The following AKAP7 variants were observed in gnomAD, a reference collection of about 807,000 sequenced individuals.
AKAP7 encodes the protein A-kinase anchoring protein 7.
A neutral mutation model predicts 39.5 loss-of-function variants in AKAP7; 39 were observed. The ratio of observed to expected loss-of-function variants is 0.99; its 90% CI spans 0.76 to 1.29. The LOEUF (loss-of-function observed/expected upper bound fraction) is 1.29, where lower values mean the gene tolerates loss of function less well. AKAP7 is among the 50% of genes most tolerant of loss of function. The pLI, the probability that AKAP7 is intolerant of heterozygous loss-of-function variation, is 0.00. For missense variants in AKAP7, 414 were observed against 407.7 expected, an observed-to-expected ratio of 1.02 and a Z score of -0.13; for synonymous variants, 140 against 139.1, an observed-to-expected ratio of 1.01 and a Z score of -0.05.
intron 3 of AKAP7, among the ~76,000 whole-genome samples, chr6:131,164,051 C>G (rs1415934406): frequency 6.6e-6 from 1 of 152,150 alleles, no homozygotes; most frequent in Admixed American, 6.6e-5. Context: ...TGCACAATCA[C>G]ATTCCGCAGA....
chr6:131,281,459 C>A lies in AKAP7; in HGVS notation c.851-71C>A. ...TGCTCTTTTTAACCAATGGAACTAGCCGGCCCCTGCATGCCAAGTTTCTAT... is the reference window on the plus strand; with the variant it reads ...TGCTCTTTTTAACCAATGGAACTAGACGGCCCCTGCATGCCAAGTTTCTAT... On this transcript the variant is annotated intron_variant, in intron 7 of 7. Coordinates refer to ENST00000431975, the MANE Select transcript of AKAP7 (RefSeq NM_016377.4). The surrounding 1 kb of genome is among the most constrained non-coding windows in gnomAD (Gnocchi z 4.0). 1.6e-6 allele frequency: 2 copies of A among 1,281,582 alleles called. No individual in the cohort carries two copies. Among genetic ancestry groups the A allele is most frequent in the Non-Finnish European group, 2.1e-6 (2 of 941,196 alleles). The allele number at this position is 1,281,582 out of a possible 1,614,324, so 79.4% of individuals were successfully genotyped here. A position where few individuals can be genotyped will look rare whatever the true frequency, so the allele number is the denominator to read the frequency against.
rs779047229 is a variant in AKAP7, at chr6:131,224,730, C to CTTTTT, written c.850+4947_850+4951dup. Among the ~76,000 whole-genome samples, 28 of 55,112 alleles carry CTTTTT rather than the reference C, an allele frequency of 5.1e-4. 5 individuals are homozygous for CTTTTT. Among genetic ancestry groups the CTTTTT allele is most frequent in the African/African-American group, 1.4e-3 (19 of 13,688 alleles). 36.2% of individuals were successfully genotyped at this position (55,112 alleles called of 152,430 possible). A position where few individuals can be genotyped will look rare whatever the true frequency, so the allele number is the denominator to read the frequency against. Reference sequence around the variant, plus strand: ...GTTTGTAAAGTTTCCAGTTGATTCACTTTTTTTTTTTTTTTTTTTTTTTTT... The same window carrying CTTTTT: ...GTTTGTAAAGTTTCCAGTTGATTCACTTTTTTTTTTTTTTTTTTTTTTTTTTTTTT... On this transcript the variant is annotated intron_variant, in intron 7 of 7. Coordinates refer to ENST00000431975, the MANE Select transcript of AKAP7 (RefSeq NM_016377.4).
chr6:131,214,324 C>T (rs899275670), intron 6 of AKAP7, among the ~76,000 whole-genome samples: 9 of 152,126 alleles, frequency 5.9e-5, no homozygotes, highest in Non-Finnish European at 1.2e-4. Flanking sequence ...AGAGTTTCTG[C>T]TTTTTCTTTC....
At chr6:131,159,334 T>C (rs371006002) in intron 2 of AKAP7, among the ~76,000 whole-genome samples, 63 of 151,740 alleles carry the variant, frequency 4.2e-4, no homozygotes, top group Admixed American at 1.8e-3. Flanking sequence ...ACCTCGTGAT[T>C]CGCCCGCCTC....
At chr6:131,136,900 C>G (rs1800591896) in intron 1 of AKAP7, 1 of 982,184 alleles carries the variant, frequency 1.0e-6, no homozygotes, top group African/African-American at 1.8e-5. Flanking sequence ...ATGCCCTTAG[C>G]CCTTTCCAGT....
intron 7 of AKAP7, among the ~76,000 whole-genome samples, chr6:131,277,935 A>C (rs1398969669): frequency 6.6e-6 from 1 of 152,242 alleles, no homozygotes; most frequent in Non-Finnish European, 1.5e-5. Flanking sequence ...GACCAGGTTC[A>C]TCAAGCGAAG....
intron 5 of AKAP7, 136 bp downstream of exon 5, chr6:131,169,409 A>G (rs1803817054): frequency 2.1e-6 from 2 of 965,244 alleles, no homozygotes; most frequent in Middle Eastern, 4.5e-4. Flanking sequence ...GACTGTCCCA[A>G]TCATAAGTCT....
intron 6 of AKAP7, among the ~76,000 whole-genome samples, chr6:131,202,331 T>A (rs1807651676): frequency 7.0e-6 from 1 of 143,868 alleles, no homozygotes; most frequent in Non-Finnish European, 1.5e-5. Flanking sequence ...TGCGGCACTA[T>A]TCACAATAGC....
intron 7 of AKAP7, among the ~76,000 whole-genome samples, chr6:131,241,607 G>GTGTGTGTGTATATACGTATATATA (rs1811576805): frequency 7.7e-6 from 1 of 129,952 alleles, no homozygotes; most frequent in African/African-American, 2.9e-5. Flanking sequence ...GTGTGTGTGT[G>GTGTGTGTGTATATACGTATATATA]TGTGTGTGTG....
chr6:131,198,202 T>C (rs1180632036), intron 5 of AKAP7, among the ~76,000 whole-genome samples: 1 of 152,126 alleles, frequency 6.6e-6, no homozygotes, highest in Non-Finnish European at 1.5e-5. Flanking sequence ...TCTCCCAACA[T>C]CTACTTGACA....
intron 6 of AKAP7, among the ~76,000 whole-genome samples, chr6:131,216,668 T>G (rs558694940): frequency 1.3e-5 from 2 of 152,372 alleles, no homozygotes; most frequent in East Asian, 3.9e-4. Flanking sequence ...TTTTTTCTGT[T>G]TGACGTTTCT....
At position 131,219,754 on chromosome 6, in the gene AKAP7, C is replaced by T; in HGVS notation, c.796C>T (p.Leu266=). ...ATATCGCATAGATCTTTGCTCCATG[C>T]TGAAGAAAAAACAAAGTAATGGTTA... ...ILYRIDLCSM[L]KKKQSNGYYH... The change falls in exon 7 of 8, where the codon CTG becomes TTG. Residue 266 remains leucine, a synonymous_variant. Coordinates refer to ENST00000431975, the MANE Select transcript of AKAP7 (RefSeq NM_016377.4). 1 of 1,594,262 alleles carries T rather than the reference C, an allele frequency of 6.3e-7. No individual in the cohort carries two copies. The highest frequency in any genetic ancestry group is 8.5e-7 in the Non-Finnish European group (1 of 1,171,350).
chr6:131,222,831 A>G (rs1429137228), intron 7 of AKAP7, among the ~76,000 whole-genome samples: 1 of 152,248 alleles, frequency 6.6e-6, no homozygotes, highest in East Asian at 1.9e-4. Context: ...GTAAAATGTT[A>G]TCAAACAGCA....
chr6:131,256,045 G>C (rs1812817248), intron 7 of AKAP7, among the ~76,000 whole-genome samples: 1 of 152,192 alleles, frequency 6.6e-6, no homozygotes, highest in African/African-American at 2.4e-5. Context: ...CAGAAGTGTG[G>C]GGGATTTCTC....
chr6:131,240,183 G>A (rs552909638), intron 7 of AKAP7, among the ~76,000 whole-genome samples: 2 of 152,214 alleles, frequency 1.3e-5, no homozygotes, highest in Admixed American at 1.3e-4. Flanking sequence ...TCCAGACCCT[G>A]TTTGCCTGGG....
At chr6:131,161,996 G>A (rs1247279770) in intron 3 of AKAP7, among the ~76,000 whole-genome samples, 2 of 152,158 alleles carry the variant, frequency 1.3e-5, no homozygotes, top group Non-Finnish European at 2.9e-5. Context: ...GAACACCTCT[G>A]GGTGTCACTT....
chr6:131,281,851 T>A lies in AKAP7; in HGVS notation c.*125T>A. On this transcript the variant is annotated 3_prime_UTR_variant, in exon 8 of 8. Transcript: ENST00000431975. The surrounding 1 kb of genome is among the most constrained non-coding windows in gnomAD (Gnocchi z 4.0). Reference sequence around the variant, plus strand: ...TCTGGTGCAATCTGTGAAGATTGCCTAATACTTTTCATGATCGATGTGTTC... The same window carrying A: ...TCTGGTGCAATCTGTGAAGATTGCCAAATACTTTTCATGATCGATGTGTTC... 7.7e-7 allele frequency: 1 copy of A among 1,305,920 alleles called. No individual in the cohort carries two copies. The highest frequency in any genetic ancestry group is 9.8e-7 in the Non-Finnish European group (1 of 1,022,220). 80.9% of individuals were successfully genotyped at this position (1,305,920 alleles called of 1,614,324 possible). A position where few individuals can be genotyped will look rare whatever the true frequency, so the allele number is the denominator to read the frequency against.
chr6:131,144,693 T>G (rs899816727), intron 1 of AKAP7, among the ~76,000 whole-genome samples: 2 of 152,238 alleles, frequency 1.3e-5, no homozygotes, highest in African/African-American at 4.8e-5. Context: ...AAATATGGCT[T>G]TAAAGTTAGT....
chr6:131,173,064 G>A (rs969797485), intron 5 of AKAP7, among the ~76,000 whole-genome samples: 2 of 151,842 alleles, frequency 1.3e-5, no homozygotes, highest in Non-Finnish European at 2.9e-5. Context: ...AATTAGCAGG[G>A]TGTGATGGGA....
Sources: allele counts gnomAD v4.1 joint callset (sites outside exome capture counted in the v4.1 genomes callset), GRCh38; gene constraint gnomAD v4.1.1; non-coding constraint Gnocchi (gnomAD v3.1); transcripts MANE v1.5; gene names NCBI Gene and HGNC (gene_info 2026-07-23, HGNC 2026-07-21).